RAB38: variants seen among roughly 807,000 people sequenced by gnomAD.
RAB38 encodes the protein ras-related protein Rab-38.
A neutral mutation model predicts 18.4 loss-of-function variants in RAB38; 15 were observed. The observed-to-expected ratio is 0.82, with a 90% CI of 0.55 to 1.26. The LOEUF (loss-of-function observed/expected upper bound fraction) is 1.26. Ranked by LOEUF, RAB38 falls within the 50% of genes most tolerant of loss-of-function variation. The pLI, the probability that RAB38 is intolerant of heterozygous loss-of-function variation, is 0.00. For missense variants in RAB38, 294 were observed against 267.4 expected (o/e 1.10, Z -0.69); for synonymous variants, 101 against 104.4 (o/e 0.97, Z 0.20).
chr11:87,930,841 G>C, the RAB38 span, among the ~76,000 whole-genome samples: 14 of 115,444 alleles, frequency 1.2e-4, no homozygotes, highest in African/African-American at 5.0e-4. Flanking sequence ...CCCATTTCTT[G>C]TTTTTGTCAG....
chr11:87,823,837 TAAG>T, the RAB38 span, among the ~76,000 whole-genome samples: 4 of 152,114 alleles, frequency 2.6e-5, no homozygotes, highest in Admixed American at 2.0e-4. Context: ...AGATGATTTT[TAAG>T]AAGAATATAC....
chr11:88,102,008 A>G, the RAB38 span, among the ~76,000 whole-genome samples: 99 of 152,078 alleles, frequency 6.5e-4, no homozygotes, highest in African/African-American at 1.7e-3. Flanking sequence ...ATGACAGCAA[A>G]TATCTGTATG....
the RAB38 span, among the ~76,000 whole-genome samples, chr11:87,894,726 T>A: frequency 1.3e-5 from 2 of 149,490 alleles, no homozygotes; most frequent in African/African-American, 4.9e-5. Flanking sequence ...TATGTACACA[T>A]TATATATATA....
At chr11:87,908,068 A>G in the RAB38 span, among the ~76,000 whole-genome samples, 1 of 151,932 alleles carries the variant, frequency 6.6e-6, no homozygotes, top group South Asian at 2.1e-4. Flanking sequence ...TGCATTTTGT[A>G]ATGATTAGTC....
chr11:88,164,038 TAAAC>T (rs35855775), intron 1 of RAB38, among the ~76,000 whole-genome samples: 35 of 152,170 alleles, frequency 2.3e-4, no homozygotes, highest in African/African-American at 7.7e-4. Flanking sequence ...TATAATCAAA[TAAAC>T]AACCTAAAAT....
At chr11:87,949,764 A>G in the RAB38 span, among the ~76,000 whole-genome samples, 1 of 152,278 alleles carries the variant, frequency 6.6e-6, no homozygotes, top group East Asian at 1.9e-4. Context: ...ACAGTTTGTT[A>G]TAATTTTTGT....
chr11:87,893,595 T>C, the RAB38 span, among the ~76,000 whole-genome samples: 1 of 151,348 alleles, frequency 6.6e-6, no homozygotes, highest in African/African-American at 2.4e-5. Flanking sequence ...TATATTTGCA[T>C]TGTTGTGCAA....
chr11:88,175,250 G>T lies in RAB38; in HGVS notation c.135C>A (p.Asp45Glu), dbSNP rs766474894. Reference sequence around the variant, plus strand: ...CCCAGTGGAGCACCTTGAGCGCGAAGTCCACGCCGATTGTGGCCCGGTAGT... The same window carrying T: ...CCCAGTGGAGCACCTTGAGCGCGAATTCCACGCCGATTGTGGCCCGGTAGT... Reference protein sequence around the residue: ...SSHYRATIGVDFALKVLHWDP... With the variant: ...SSHYRATIGVEFALKVLHWDP... The change falls in exon 1 of 3, where the codon GAC (aspartate) becomes GAA (glutamate). Residue 45 changes from aspartate (D) to glutamate (E), a missense_variant. Asp to Glu is a conservative substitution (Grantham distance 45). Transcript: ENST00000243662. The T allele has an allele frequency of 3.7e-6, 6 of 1,614,180 alleles. No individual in the cohort carries two copies. The African/African-American group carries it at 6.7e-5, about 18-fold the overall frequency.
chr11:88,129,577 G>A (rs1942742917), intron 2 of RAB38, among the ~76,000 whole-genome samples: 1 of 152,134 alleles, frequency 6.6e-6, no homozygotes, highest in African/African-American at 2.4e-5. Flanking sequence ...GGAGGTGGAG[G>A]AGGTTGCAGT....
chr11:87,868,608 A>G, the RAB38 span, among the ~76,000 whole-genome samples: 179 of 103,064 alleles, frequency 1.7e-3, 5 homozygotes, highest in South Asian at 5.7e-3. Context: ...AGAGAGAGAG[A>G]GAGAGAGAGA....
At position 88,159,408 on chromosome 11, in the gene RAB38, C is replaced by G. The variant is rs533211994; in HGVS notation, c.203-9453G>C. 7.0e-4 allele frequency among the ~76,000 whole-genome samples: 105 copies of G among 149,130 alleles called. 1 individual carries two copies. Among genetic ancestry groups the G allele is most frequent in the Admixed American group, 2.1e-3 (31 of 15,036 alleles). On this transcript the variant is annotated intron_variant, in intron 1 of 2. Coordinates refer to ENST00000243662, the MANE Select transcript of RAB38 (RefSeq NM_022337.3). ...AATATTGTTAAAATGGCCACACTGC[C>G]CCCCAAAAATCTACACATCCAATGC...
chr11:88,021,531 T>C, the RAB38 span, among the ~76,000 whole-genome samples: 1 of 151,882 alleles, frequency 6.6e-6, no homozygotes, highest in Non-Finnish European at 1.5e-5. Flanking sequence ...ATACTAATCC[T>C]ACTCAAACTG....
At chr11:87,896,184 G>T in the RAB38 span, among the ~76,000 whole-genome samples, 1 of 151,676 alleles carries the variant, frequency 6.6e-6, no homozygotes, top group East Asian at 2.0e-4. Context: ...TTCTTCAGTT[G>T]TTCAGCAGCT....
the RAB38 span, among the ~76,000 whole-genome samples, chr11:88,017,782 T>C: frequency 1.3e-5 from 2 of 150,164 alleles, no homozygotes; most frequent in African/African-American, 2.5e-5. Context: ...TTCCCTGTGA[T>C]TTCCTCTTTT....
chr11:88,107,931 G>A, the RAB38 span, among the ~76,000 whole-genome samples: 7 of 152,248 alleles, frequency 4.6e-5, no homozygotes, highest in Middle Eastern at 0.01. Flanking sequence ...GTGCAATTTT[G>A]AGTGAGTTTC....
At chr11:87,900,290 A>G in the RAB38 span, among the ~76,000 whole-genome samples, 1 of 151,578 alleles carries the variant, frequency 6.6e-6, no homozygotes, top group Non-Finnish European at 1.5e-5. Flanking sequence ...AACTAAATTG[A>G]GAGTATCAGC....
the RAB38 span, chr11:87,815,769 T>C: frequency 2.0e-5 from 3 of 152,354 alleles, no homozygotes; most frequent in South Asian, 2.1e-4. Flanking sequence ...GCATGTAGCC[T>C]ATGAATGTGG....
chr11:88,113,904 G>A lies in RAB38; in HGVS notation c.*84C>T. ...TTGCCACATGTGGTATCTCTATCCTGACGTTTACCCAAAATGGTAAAAATA... is the reference window on the plus strand; with the variant it reads ...TTGCCACATGTGGTATCTCTATCCTAACGTTTACCCAAAATGGTAAAAATA... On this transcript the variant is annotated 3_prime_UTR_variant, in exon 3 of 3. Transcript: ENST00000243662. 1 of 1,530,866 alleles carries A rather than the reference G, an allele frequency of 6.5e-7. No homozygotes were observed. The highest frequency in any genetic ancestry group is 9.0e-7 in the Non-Finnish European group (1 of 1,110,028). 94.8% of individuals were successfully genotyped at this position (1,530,866 alleles called of 1,614,324 possible).
chr11:87,894,776 C>A, the RAB38 span, among the ~76,000 whole-genome samples: 1 of 149,472 alleles, frequency 6.7e-6, no homozygotes, highest in South Asian at 2.1e-4. Context: ...TATATATGTA[C>A]ACATTATATA....
Sources: allele counts gnomAD v4.1 joint callset (sites outside exome capture counted in the v4.1 genomes callset), GRCh38; gene constraint gnomAD v4.1.1; transcripts MANE v1.5; gene names NCBI Gene and HGNC (gene_info 2026-07-23, HGNC 2026-07-21).